RNF169: variants seen among roughly 807,000 people sequenced by gnomAD.
RNF169 encodes the protein ring finger protein 169, also known as E3 ubiquitin-protein ligase RNF169.
In RNF169, 24 loss-of-function variants were observed where a neutral mutation model predicts 53.9. That is an observed-to-expected ratio of 0.45 (90% confidence interval 0.32 to 0.63). RNF169 has a LOEUF of 0.63. RNF169 is among the 20% of genes least tolerant of loss of function. The pLI, the probability that RNF169 is intolerant of heterozygous loss-of-function variation, is 0.04. For missense variants in RNF169, 883 were observed against 906.2 expected, an observed-to-expected ratio of 0.97 and a Z score of 0.33; for synonymous variants, 396 against 363.5, an observed-to-expected ratio of 1.09 and a Z score of -1.02.
At chr11:74,825,655 C>G (rs1360733400) in intron 4 of RNF169, among the ~76,000 whole-genome samples, 2 of 152,130 alleles carry the variant, frequency 1.3e-5, no homozygotes, top group Admixed American at 1.3e-4. Context: ...TCTATAAGGC[C>G]TGCATCATCC....
chr11:74,794,807 T>G (rs2035624166), intron 2 of RNF169, among the ~76,000 whole-genome samples: 1 of 152,124 alleles, frequency 6.6e-6, no homozygotes, highest in South Asian at 2.1e-4. Context: ...AGCTAGGTTG[T>G]TTGTTTGAAG....
intron 4 of RNF169, chr11:74,830,900 A>C (rs531043014): frequency 6.6e-6 from 1 of 152,232 alleles, no homozygotes; most frequent in Non-Finnish European, 1.5e-5. Flanking sequence ...CCATTTTAGT[A>C]GAATGAAGGG....
intron 3 of RNF169, among the ~76,000 whole-genome samples, chr11:74,811,009 A>G (rs1233906902): frequency 6.6e-6 from 1 of 152,196 alleles, no homozygotes; most frequent in Non-Finnish European, 1.5e-5. Context: ...GCACATCTTT[A>G]GACTCCTATC....
intron 2 of RNF169, among the ~76,000 whole-genome samples, chr11:74,803,360 A>G (rs747784805): frequency 1.9e-4 from 29 of 152,198 alleles, no homozygotes; most frequent in Non-Finnish European, 3.1e-4. Context: ...GTTGGGATAC[A>G]GGTATGAGCC....
chr11:74,838,414 G>A lies in RNF169; in HGVS notation c.*1684G>A, dbSNP rs2036289516. 2 of 152,180 alleles carry A rather than the reference G, an allele frequency of 1.3e-5. No individual in the cohort carries two copies. Among genetic ancestry groups the A allele is most frequent in the Non-Finnish European group, 2.9e-5 (2 of 68,032 alleles). The allele number at this position is 152,180 out of a possible 1,614,324, so 9.4% of individuals were successfully genotyped here. A position where few individuals can be genotyped will look rare whatever the true frequency, so the allele number is the denominator to read the frequency against. On this transcript the variant is annotated 3_prime_UTR_variant, in exon 6 of 6. Coordinates refer to ENST00000299563, the MANE Select transcript of RNF169 (RefSeq NM_001098638.2). Reference sequence around the variant, plus strand: ...TTTGAAGCCTCTGGGAAAGAAGGTGGCTTATCAAGTGGGTTTGTAGTAATG... The same window carrying A: ...TTTGAAGCCTCTGGGAAAGAAGGTGACTTATCAAGTGGGTTTGTAGTAATG...
intron 1 of RNF169, among the ~76,000 whole-genome samples, chr11:74,785,941 CTTTTTT>C (rs796451609): frequency 7.7e-6 from 1 of 130,222 alleles, no homozygotes; most frequent in African/African-American, 2.9e-5. Context: ...GTTTTCTTTT[CTTTTTT>C]TTTTTTTTTT....
At chr11:74,805,743 T>C (rs1282662995) in intron 2 of RNF169, among the ~76,000 whole-genome samples, 1 of 152,134 alleles carries the variant, frequency 6.6e-6, no homozygotes, top group Non-Finnish European at 1.5e-5. Flanking sequence ...CAGTTGACCA[T>C]TGAATAAGAG....
rs1396158762 is a variant in RNF169 at position 74,837,527 on chromosome 11, C to T, written c.*797C>T. On this transcript the variant is annotated 3_prime_UTR_variant, in exon 6 of 6. Coordinates refer to ENST00000299563, the MANE Select transcript of RNF169 (RefSeq NM_001098638.2). ...GGGAAGCTAGGCTGGGCATTGAACA[C>T]TGATAGTGCAGAATCCACATGCAAA... 6 of 152,242 alleles carry T rather than the reference C, an allele frequency of 3.9e-5. No individual in the cohort carries two copies. The highest frequency in any genetic ancestry group is 8.8e-5 in the Non-Finnish European group (6 of 68,062). 9.4% of individuals were successfully genotyped at this position (152,242 alleles called of 1,614,324 possible).
intron 3 of RNF169, among the ~76,000 whole-genome samples, chr11:74,813,682 A>G (rs898874474): frequency 2.6e-5 from 4 of 152,156 alleles, no homozygotes; most frequent in Admixed American, 6.5e-5. Context: ...AATGTAACCT[A>G]GTATACATAC....
chr11:74,750,865 GTTTTTTTTTTT>G (rs35173529), intron 1 of RNF169, among the ~76,000 whole-genome samples: 2 of 60,128 alleles, frequency 3.3e-5, no homozygotes, highest in East Asian at 7.3e-4. Flanking sequence ...GCCTCCCAAG[GTTTTTTTTTTT>G]TTTTTTTTTT....
chr11:74,811,673 A>C (rs2035878270), intron 3 of RNF169, among the ~76,000 whole-genome samples: 1 of 152,168 alleles, frequency 6.6e-6, no homozygotes, highest in African/African-American at 2.4e-5. Context: ...TTATTTAATT[A>C]TTAAAAACAA....
chr11:74,762,046 C>T (rs1259383401), intron 1 of RNF169, among the ~76,000 whole-genome samples: 1 of 142,016 alleles, frequency 7.0e-6, no homozygotes, highest in Admixed American at 7.2e-5. Flanking sequence ...CGCTTCATTT[C>T]ATTCATTTCA....
At chr11:74,810,441 G>C in intron 3 of RNF169, 111 bp downstream of exon 3, 6 of 961,780 alleles carry the variant, frequency 6.2e-6, no homozygotes, top group Non-Finnish European at 8.2e-6. Context: ...GTAACAGTCA[G>C]TGACTGTGCA....
chr11:74,802,475 G>A (rs972680395), intron 2 of RNF169, among the ~76,000 whole-genome samples: 7 of 152,028 alleles, frequency 4.6e-5, no homozygotes, highest in Non-Finnish European at 8.8e-5. Flanking sequence ...GCAAAACCTC[G>A]TCTTTAAAAA....
chr11:74,806,718 A>T (rs1397662158), intron 2 of RNF169, among the ~76,000 whole-genome samples: 1 of 152,210 alleles, frequency 6.6e-6, no homozygotes, highest in East Asian at 1.9e-4. Flanking sequence ...CTTCACTTAT[A>T]TAAAATTCAG....
chr11:74,842,270 C>T lies in RNF169; in HGVS notation c.*5540C>T, dbSNP rs1018152592. The T allele has an allele frequency of 2.6e-5, 4 of 152,202 alleles. No homozygotes were observed. Among genetic ancestry groups the T allele is most frequent in the Non-Finnish European group, 5.9e-5 (4 of 68,054 alleles). The allele number at this position is 152,202 out of a possible 1,614,324, so 9.4% of individuals were successfully genotyped here. A position where few individuals can be genotyped will look rare whatever the true frequency, so the allele number is the denominator to read the frequency against. ...AGGGCATGCCCTGTTGGGGATGTTT[C>T]TGTCAGCAAGGACATGGCATGGAAT... On this transcript the variant is annotated 3_prime_UTR_variant, in exon 6 of 6. Transcript: ENST00000299563.
At chr11:74,799,994 TAATA>T (rs771593039) in intron 2 of RNF169, among the ~76,000 whole-genome samples, 1 of 150,558 alleles carries the variant, frequency 6.6e-6, no homozygotes, top group East Asian at 1.9e-4. Flanking sequence ...TTTTCCATAT[TAATA>T]TAGATCTATG....
Position 74,748,978 on chromosome 11 carries a change from C to T in RNF169, c.98C>T (p.Ala33Val). The change falls in exon 1 of 6, where the codon GCA becomes GTA. Residue 33 changes from alanine to valine, a missense_variant. Physicochemically the swap from Ala to Val is moderately conservative, Grantham distance 64. This residue lies in a region of RNF169 where 313 missense variants were observed against 279.9 expected (regional missense o/e 1.12). Coordinates refer to ENST00000299563, the MANE Select transcript of RNF169 (RefSeq NM_001098638.2). ...GRRGRCDETA[A>V]AKTGAPGPAS... ...CGGGGCCGCTGTGACGAGACGGCGG[C>T]AGCTAAGACTGGGGCCCCAGGCCCG... The T allele has an allele frequency of 6.7e-7, 1 of 1,491,834 alleles. No individual in the cohort carries two copies. Among genetic ancestry groups the T allele is most frequent in the African/African-American group, 1.4e-5 (1 of 69,034 alleles). The allele number at this position is 1,491,834 out of a possible 1,614,324, so 92.4% of individuals were successfully genotyped here. A position where few individuals can be genotyped will look rare whatever the true frequency, so the allele number is the denominator to read the frequency against.
chr11:74,806,455 A>G (rs929337598), intron 2 of RNF169, among the ~76,000 whole-genome samples: 2 of 152,202 alleles, frequency 1.3e-5, no homozygotes, highest in African/African-American at 4.8e-5. Flanking sequence ...TTTCTGTTCT[A>G]AGATACACTC....
Sources: gnomAD v4.1 joint callset for allele counts (sites outside exome capture counted in the v4.1 genomes callset) on GRCh38, gnomAD v4.1.1 for gene constraint, gnomAD v4.1.1 regional missense constraint, MANE v1.5 for transcripts, NCBI Gene and HGNC (gene_info 2026-07-23, HGNC 2026-07-21) for gene names.